ARID2: variants seen among roughly 807,000 people sequenced by gnomAD.
The protein encoded by ARID2 is AT-rich interactive domain-containing protein 2.
ARID2 carries 32 observed loss-of-function variants against 184.6 expected under a neutral mutation model. The observed-to-expected ratio is 0.17, with a 90% CI of 0.13 to 0.23. The LOEUF is 0.23. Ranked by LOEUF, ARID2 falls within the 10% of genes least tolerant of loss-of-function variation. ARID2 has a pLI of 1.00. For missense variants in ARID2, 1,696 were observed against 2,197.6 expected, an observed-to-expected ratio of 0.77 and a Z score of 4.56; for synonymous variants, 836 against 772.6, an observed-to-expected ratio of 1.08 and a Z score of -1.36.
intron 15 of ARID2, among the ~76,000 whole-genome samples, chr12:45,857,875 TC>T (rs1457480170): frequency 1.3e-5 from 2 of 152,100 alleles, no homozygotes; most frequent in Non-Finnish European, 2.9e-5. Context: ...TCCTCCTTCT[TC>T]AGCCTCCCGA....
chr12:45,856,320 G>A (rs1943650112), intron 15 of ARID2, among the ~76,000 whole-genome samples: 2 of 151,900 alleles, frequency 1.3e-5, no homozygotes, highest in South Asian at 4.1e-4. Flanking sequence ...GCCCACCTCG[G>A]CCTCCCAAAG....
chr12:45,806,249 A>G (rs562642688), intron 3 of ARID2, among the ~76,000 whole-genome samples: 1 of 151,920 alleles, frequency 6.6e-6, no homozygotes, highest in South Asian at 2.1e-4. Flanking sequence ...GGATAGTTCT[A>G]AGAATCTTCT....
intron 20 of ARID2, among the ~76,000 whole-genome samples, chr12:45,895,670 G>A (rs1052161850): frequency 6.6e-6 from 1 of 152,156 alleles, no homozygotes; most frequent in Admixed American, 6.5e-5. Flanking sequence ...GAGTAGCTGG[G>A]ATTATCGGCT....
intron 3 of ARID2, among the ~76,000 whole-genome samples, chr12:45,767,494 ATC>A (rs1319963789): frequency 6.6e-6 from 1 of 152,222 alleles, no homozygotes; most frequent in East Asian, 1.9e-4. Context: ...GAGGAAATAA[ATC>A]TCTGAAGACT....
intron 16 of ARID2, among the ~76,000 whole-genome samples, chr12:45,867,660 A>G (rs1217858238): frequency 6.6e-6 from 1 of 151,098 alleles, no homozygotes; most frequent in Non-Finnish European, 1.5e-5. Context: ...GGAAAATGGC[A>G]TGAACCCTGG....
At chr12:45,806,878 C>A (rs185683943) in intron 3 of ARID2, among the ~76,000 whole-genome samples, 1 of 152,274 alleles carries the variant, frequency 6.6e-6, no homozygotes, top group African/African-American at 2.4e-5. Flanking sequence ...AAAGAAGTTA[C>A]AAGTTGAAGT....
intron 3 of ARID2, among the ~76,000 whole-genome samples, chr12:45,766,576 C>CA (rs1941773587): frequency 6.6e-6 from 1 of 151,350 alleles, no homozygotes; most frequent in African/African-American, 2.4e-5. Context: ...TGCAGTGGCG[C>CA]AATCTTGGCT....
chr12:45,874,111 C>T (rs551455499), intron 16 of ARID2: 1 of 152,362 alleles, frequency 6.6e-6, no homozygotes, highest in South Asian at 2.1e-4. Flanking sequence ...TCCAAGAGTT[C>T]TGGGCTGTAG....
At chr12:45,904,251 A>G (rs1944492971) in intron 20 of ARID2, 1 of 663,764 alleles carries the variant, frequency 1.5e-6, no homozygotes, top group African/African-American at 1.9e-5. Context: ...AATTATACCT[A>G]CAATATAATT....
intron 3 of ARID2, among the ~76,000 whole-genome samples, chr12:45,788,438 G>A (rs1430962526): frequency 6.6e-6 from 1 of 152,084 alleles, no homozygotes; most frequent in Non-Finnish European, 1.5e-5. Context: ...TATTTACACT[G>A]TTTAAGCATA....
chr12:45,880,727 T>TAAA (rs1944086982), intron 16 of ARID2, among the ~76,000 whole-genome samples: 1 of 152,350 alleles, frequency 6.6e-6, no homozygotes, highest in East Asian at 1.9e-4. Flanking sequence ...TGCTGATGTC[T>TAAA]CAAACAGGCA....
At chr12:45,853,448 T>C (rs1176807251) in intron 15 of ARID2, among the ~76,000 whole-genome samples, 2 of 152,238 alleles carry the variant, frequency 1.3e-5, no homozygotes, top group African/African-American at 2.4e-5. Context: ...TATTCTGATA[T>C]TCTTTTCTGT....
At chr12:45,899,798 A>AG (rs1326940437) in intron 20 of ARID2, among the ~76,000 whole-genome samples, 1 of 146,776 alleles carries the variant, frequency 6.8e-6, no homozygotes, top group Non-Finnish European at 1.5e-5. Flanking sequence ...CCCACCTCCA[A>AG]GGGGGGAGCC....
chr12:45,817,896 T>C lies in ARID2; in HGVS notation c.637+8T>C. 1 of 1,606,476 alleles carries C rather than the reference T, an allele frequency of 6.2e-7. No homozygotes were observed. The highest frequency in any genetic ancestry group is 1.7e-4 in the Middle Eastern group (1 of 6,012). On this transcript the variant is annotated splice_region_variant and intron_variant, in intron 5 of 20. Coordinates refer to ENST00000334344, the MANE Select transcript of ARID2 (RefSeq NM_152641.4). ...CCGGGGTGTTTGACGACAGTAAGTTTTAAGCTGAATGTATTATATAATTCT... is the reference window on the plus strand; with the variant it reads ...CCGGGGTGTTTGACGACAGTAAGTTCTAAGCTGAATGTATTATATAATTCT...
At chr12:45,801,723 C>A (rs1364807994) in intron 3 of ARID2, among the ~76,000 whole-genome samples, 1 of 151,782 alleles carries the variant, frequency 6.6e-6, no homozygotes, top group Non-Finnish European at 1.5e-5. Context: ...TGAAAGATGT[C>A]AAGGTCATGA....
intron 6 of ARID2, among the ~76,000 whole-genome samples, chr12:45,830,659 G>C (rs1943100754): frequency 6.6e-6 from 1 of 152,002 alleles, no homozygotes; most frequent in South Asian, 2.1e-4. Context: ...CAGAAAATTA[G>C]TGATGAAAGT....
intron 3 of ARID2, among the ~76,000 whole-genome samples, chr12:45,737,078 T>C (rs1941142062): frequency 6.6e-6 from 1 of 152,240 alleles, no homozygotes. Context: ...CACTTGTGCT[T>C]GGATACTTTC....
intron 11 of ARID2, among the ~76,000 whole-genome samples, chr12:45,846,394 C>T (rs1007824807): frequency 6.6e-6 from 1 of 152,120 alleles, no homozygotes; most frequent in Non-Finnish European, 1.5e-5. Flanking sequence ...ATAATTTCAG[C>T]TGCGTTCTGC....
intron 3 of ARID2, among the ~76,000 whole-genome samples, chr12:45,809,494 CCTT>C (rs144169559): frequency 0.085 from 13,006 of 152,132 alleles, 1,885 homozygotes; most frequent in African/African-American, 0.3. Flanking sequence ...AATGACTGCC[CCTT>C]CTTAATCATC....
Sources: allele counts gnomAD v4.1 joint callset (sites outside exome capture counted in the v4.1 genomes callset), GRCh38; gene constraint gnomAD v4.1.1; transcripts MANE v1.5; gene names NCBI Gene and HGNC (gene_info 2026-07-23, HGNC 2026-07-21).